SENP7: variants seen among roughly 807,000 people sequenced by gnomAD.
SENP7 encodes the protein SUMO specific peptidase 7, also known as sentrin-specific protease 7.
In SENP7, 64 loss-of-function variants were observed where a neutral mutation model predicts 141.2. That is an observed-to-expected ratio of 0.45 (90% CI 0.37 to 0.56). SENP7 has a LOEUF of 0.56. SENP7 is among the 20% of genes least tolerant of loss of function. The pLI, the probability that SENP7 is intolerant of heterozygous loss-of-function variation, is 0.00. For missense variants in SENP7, 1,025 were observed against 1,212.2 expected, an observed-to-expected ratio of 0.85 and a Z score of 2.29; for synonymous variants, 382 against 426.4, an observed-to-expected ratio of 0.90 and a Z score of 1.28.
intron 17 of SENP7, among the ~76,000 whole-genome samples, chr3:101,336,613 T>C (rs1299925772): frequency 6.6e-6 from 1 of 152,072 alleles, no homozygotes; most frequent in Non-Finnish European, 1.5e-5. Flanking sequence ...ATAAATGGAG[T>C]TGTAAATTGT....
intron 6 of SENP7, among the ~76,000 whole-genome samples, chr3:101,378,131 A>G (rs145129115): frequency 1.2e-3 from 179 of 151,882 alleles, no homozygotes; most frequent in South Asian, 0.01. Context: ...AGTTGCTTTT[A>G]TCTAGTACGT....
intron 16 of SENP7, among the ~76,000 whole-genome samples, chr3:101,338,171 TA>T (rs2107167402): frequency 6.7e-6 from 1 of 148,462 alleles, no homozygotes; most frequent in Admixed American, 6.7e-5. Context: ...AAAAAAAAAT[TA>T]AAAAACTTTT....
At chr3:101,331,147 G>C (rs189830006) in intron 19 of SENP7, among the ~76,000 whole-genome samples, 51 of 152,096 alleles carry the variant, frequency 3.4e-4, no homozygotes, top group Non-Finnish European at 6.2e-4. Context: ...CTATTAATTA[G>C]CTAGATTTTG....
intron 4 of SENP7, among the ~76,000 whole-genome samples, chr3:101,422,270 C>T (rs978811654): frequency 2.6e-5 from 4 of 152,098 alleles, no homozygotes; most frequent in Non-Finnish European, 4.4e-5. Flanking sequence ...CAACCCCATC[C>T]GTGGAAAAAT....
intron 3 of SENP7, among the ~76,000 whole-genome samples, chr3:101,481,581 G>C (rs1018776596): frequency 1.2e-4 from 18 of 152,216 alleles, no homozygotes; most frequent in Admixed American, 1.1e-3. Flanking sequence ...TTCAGTAGTA[G>C]AATACGGTGA....
At chr3:101,500,656 G>T (rs1416080823) in intron 2 of SENP7, among the ~76,000 whole-genome samples, 5 of 152,072 alleles carry the variant, frequency 3.3e-5, no homozygotes, top group East Asian at 3.8e-4. Context: ...TTACGTAGAA[G>T]AAATAAATGA....
intron 6 of SENP7, among the ~76,000 whole-genome samples, chr3:101,385,473 C>T (rs1189486197): frequency 1.3e-5 from 2 of 152,300 alleles, no homozygotes; most frequent in Admixed American, 6.5e-5. Context: ...CTTAGCAAAG[C>T]AGGTGGTCCT....
chr3:101,486,101 G>A (rs1392660946), intron 3 of SENP7, among the ~76,000 whole-genome samples: 1 of 152,166 alleles, frequency 6.6e-6, no homozygotes, highest in African/African-American at 2.4e-5. Flanking sequence ...TCTCCAAGAA[G>A]TCTGAGATTA....
At chr3:101,392,300 A>G (rs528587460) in intron 6 of SENP7, among the ~76,000 whole-genome samples, 2 of 152,300 alleles carry the variant, frequency 1.3e-5, no homozygotes, top group South Asian at 4.1e-4. Context: ...AGATGACATG[A>G]CCATACATAT....
chr3:101,443,843 G>A (rs1343900313), intron 4 of SENP7, among the ~76,000 whole-genome samples: 6 of 146,664 alleles, frequency 4.1e-5, no homozygotes, highest in Admixed American at 1.4e-4. Flanking sequence ...GGAGATTTTG[G>A]GCTGAGACGA....
chr3:101,409,726 T>C (rs900840109), intron 5 of SENP7, among the ~76,000 whole-genome samples: 109 of 152,314 alleles, frequency 7.2e-4, no homozygotes, highest in African/African-American at 2.3e-3. Context: ...GATAATTGGC[T>C]AGCCACATGT....
intron 6 of SENP7, among the ~76,000 whole-genome samples, chr3:101,375,951 C>A (rs1013351584): frequency 2.0e-5 from 3 of 151,932 alleles, no homozygotes; most frequent in African/African-American, 7.3e-5. Flanking sequence ...TTAGAGGCTA[C>A]TAGGGGATTA....
chr3:101,417,530 A>G, intron 5 of SENP7, 63 bp downstream of exon 5: 1 of 1,278,684 alleles, frequency 7.8e-7, no homozygotes, highest in Non-Finnish European at 1.1e-6. Flanking sequence ...TATCATTAGG[A>G]GTACGGGATT....
At chr3:101,386,752 T>A (rs556005287) in intron 6 of SENP7, among the ~76,000 whole-genome samples, 1 of 152,332 alleles carries the variant, frequency 6.6e-6, no homozygotes, top group Admixed American at 6.5e-5. Flanking sequence ...TCCCAAAGTC[T>A]GAGAGGTGCC....
At chr3:101,326,201 TA>T in intron 23 of SENP7, 121 bp from the exon 24 acceptor site, 1 of 779,842 alleles carries the variant, frequency 1.3e-6, no homozygotes, top group South Asian at 2.3e-5. Context: ...TATATTAAGA[TA>T]TAATTCACAT....
chr3:101,467,622 G>A (rs1456603312), intron 3 of SENP7, among the ~76,000 whole-genome samples: 1 of 152,222 alleles, frequency 6.6e-6, no homozygotes, highest in African/African-American at 2.4e-5. Context: ...GGACCTGACT[G>A]TTAGAAGGAA....
chr3:101,414,450 C>T (rs2061548547), intron 5 of SENP7: 2 of 1,235,014 alleles, frequency 1.6e-6, no homozygotes, highest in African/African-American at 2.9e-5. Flanking sequence ...TCCAGGACCA[C>T]CTGGCCCAGT....
intron 6 of SENP7, among the ~76,000 whole-genome samples, chr3:101,396,812 G>A (rs1482262081): frequency 6.6e-6 from 1 of 152,112 alleles, no homozygotes; most frequent in African/African-American, 2.4e-5. Flanking sequence ...ATACTGCAAC[G>A]TGGATAGGTA....
chr3:101,499,943 C>A lies in SENP7; in HGVS notation c.90+1127G>T, dbSNP rs568399345. Among the ~76,000 whole-genome samples the A allele has an allele frequency of 3.3e-5, 5 of 152,150 alleles. No individual in the cohort carries two copies. The South Asian group carries it at 1.0e-3, about 32-fold the overall frequency. The stretch of plus-strand genomic sequence containing the variant: ...CTCAGCACAAGATTTTTTTTAACCT[C>A]CTATTTACCCCACTTAAACTAAATC... On this transcript the variant is annotated intron_variant, in intron 2 of 23. Coordinates refer to ENST00000394095, the MANE Select transcript of SENP7 (RefSeq NM_020654.5).
Sources: gnomAD v4.1 joint callset for allele counts (sites outside exome capture counted in the v4.1 genomes callset) on GRCh38, gnomAD v4.1.1 for gene constraint, MANE v1.5 for transcripts, NCBI Gene and HGNC (gene_info 2026-07-23, HGNC 2026-07-21) for gene names.